The following RALYL variants were observed in gnomAD, a reference collection of about 807,000 sequenced individuals.
The protein encoded by RALYL is RALY RNA binding protein like.
RALYL carries 29 observed loss-of-function variants against 35.1 expected under a neutral mutation model. That is an observed-to-expected ratio of 0.83 (90% CI 0.61 to 1.13). The LOEUF (loss-of-function observed/expected upper bound fraction) is 1.13, where lower values mean the gene tolerates loss of function less well. Ranked by LOEUF, RALYL falls within the 50% of genes most tolerant of loss-of-function variation. The pLI is 0.00. For missense variants in RALYL, 359 were observed against 360.4 expected (o/e 1.00, Z 0.03); for synonymous variants, 120 against 127.6 (o/e 0.94, Z 0.40).
intron 7 of RALYL, among the ~76,000 whole-genome samples, chr8:84,879,928 A>T (rs1401730917): frequency 6.6e-6 from 1 of 152,072 alleles, no homozygotes; most frequent in African/African-American, 2.4e-5. Context: ...TTGCAATAGG[A>T]GATAAAATTG....
intron 2 of RALYL, chr8:84,665,866 A>T (rs1158316244): frequency 6.6e-6 from 1 of 152,060 alleles, no homozygotes; most frequent in African/African-American, 2.4e-5. Context: ...AAGCAAGCAC[A>T]AACACAAGTC....
chr8:84,573,307 T>C (rs568989876), intron 2 of RALYL, among the ~76,000 whole-genome samples: 1 of 151,878 alleles, frequency 6.6e-6, no homozygotes, highest in South Asian at 2.1e-4. Context: ...TTTGTCCTCA[T>C]TTTAAGAACA....
intron 1 of RALYL, among the ~76,000 whole-genome samples, chr8:84,455,768 A>C (rs1425328860): frequency 6.6e-6 from 1 of 152,002 alleles, no homozygotes; most frequent in East Asian, 1.9e-4. Context: ...ATAATCCTTA[A>C]GTCCATTTCT....
At chr8:84,783,699 C>A in intron 3 of RALYL, among the ~76,000 whole-genome samples, 1 of 152,082 alleles carries the variant, frequency 6.6e-6, no homozygotes, top group East Asian at 1.9e-4. Flanking sequence ...TGACAAAATG[C>A]CAATCTAGTC....
chr8:84,439,772 A>T (rs1179022344), intron 1 of RALYL, among the ~76,000 whole-genome samples: 2 of 152,048 alleles, frequency 1.3e-5, no homozygotes, highest in Non-Finnish European at 2.9e-5. Context: ...AACCTGTCAG[A>T]TTCTTATGGT....
chr8:84,464,286 C>T (rs549978650), intron 1 of RALYL, among the ~76,000 whole-genome samples: 1 of 152,056 alleles, frequency 6.6e-6, no homozygotes, highest in Non-Finnish European at 1.5e-5. Flanking sequence ...TGCTATCCCT[C>T]CCCCGTACCC....
intron 1 of RALYL, among the ~76,000 whole-genome samples, chr8:84,257,821 A>G (rs983171663): frequency 6.6e-6 from 1 of 152,200 alleles, no homozygotes; most frequent in African/African-American, 2.4e-5. Flanking sequence ...GTTTGCTACA[A>G]ACATCAGTTT....
chr8:84,192,266 A>G (rs1484081801), intron 1 of RALYL, among the ~76,000 whole-genome samples: 5 of 152,236 alleles, frequency 3.3e-5, no homozygotes, highest in Non-Finnish European at 5.9e-5. Flanking sequence ...AGACAAATGC[A>G]TAAGGTGAGG....
At chr8:84,815,725 C>A (rs1287532400) in intron 4 of RALYL, among the ~76,000 whole-genome samples, 1 of 151,800 alleles carries the variant, frequency 6.6e-6, no homozygotes, top group Non-Finnish European at 1.5e-5. Flanking sequence ...AGAAAACAGG[C>A]ATCAAGTTTG....
At chr8:84,542,233 A>G (rs764246221) in intron 2 of RALYL, among the ~76,000 whole-genome samples, 1 of 151,862 alleles carries the variant, frequency 6.6e-6, no homozygotes, top group Admixed American at 6.6e-5. Context: ...TTTATACATC[A>G]TCCGTTTCCT....
At chr8:84,195,621 T>C (rs1382292920) in intron 1 of RALYL, among the ~76,000 whole-genome samples, 1 of 152,184 alleles carries the variant, frequency 6.6e-6, no homozygotes, top group Non-Finnish European at 1.5e-5. Flanking sequence ...TTGAACAAAC[T>C]AGCATGCAAT....
chr8:84,795,132 G>A (rs1462842647), intron 3 of RALYL, among the ~76,000 whole-genome samples: 10 of 152,264 alleles, frequency 6.6e-5, no homozygotes, highest in African/African-American at 2.2e-4. Context: ...GAAATAGAGG[G>A]GAAAGCTGCA....
At chr8:84,366,700 A>C (rs1854349323) in intron 1 of RALYL, among the ~76,000 whole-genome samples, 1 of 139,574 alleles carries the variant, frequency 7.2e-6, no homozygotes. Context: ...GCTTGAACCC[A>C]AGGAGTTGAG....
chr8:84,256,632 G>T (rs980602630), intron 1 of RALYL, among the ~76,000 whole-genome samples: 2 of 152,040 alleles, frequency 1.3e-5, no homozygotes, highest in Admixed American at 1.3e-4. Flanking sequence ...CTGAATCAGG[G>T]CAATGTTATT....
At chr8:84,790,751 T>A (rs1820580059) in intron 3 of RALYL, among the ~76,000 whole-genome samples, 1 of 151,996 alleles carries the variant, frequency 6.6e-6, no homozygotes, top group Non-Finnish European at 1.5e-5. Context: ...AGAAGATTCA[T>A]GGAAAAAAAA....
intron 1 of RALYL, among the ~76,000 whole-genome samples, chr8:84,338,879 G>A (rs1848284558): frequency 6.6e-6 from 1 of 151,892 alleles, no homozygotes; most frequent in Non-Finnish European, 1.5e-5. Flanking sequence ...TATTTTGATG[G>A]TTCTGCCAAT....
At chr8:84,755,488 T>A (rs149406296) in intron 2 of RALYL, among the ~76,000 whole-genome samples, 3 of 152,274 alleles carry the variant, frequency 2.0e-5, no homozygotes, top group African/African-American at 7.2e-5. Context: ...TCTATAACCA[T>A]AAATAAACTG....
At chr8:84,453,786 T>C (rs897269795) in intron 1 of RALYL, among the ~76,000 whole-genome samples, 2 of 152,030 alleles carry the variant, frequency 1.3e-5, no homozygotes, top group Non-Finnish European at 2.9e-5. Flanking sequence ...ACAGGTTTTG[T>C]TGGCTTAAAA....
At chr8:84,370,712 T>C (rs908874182) in intron 1 of RALYL, among the ~76,000 whole-genome samples, 9 of 151,938 alleles carry the variant, frequency 5.9e-5, no homozygotes, top group Non-Finnish European at 1.3e-4. Flanking sequence ...AAACTACAGA[T>C]GTTTAGGTGG....
Sources: allele counts gnomAD v4.1 joint callset (sites outside exome capture counted in the v4.1 genomes callset), GRCh38; gene constraint gnomAD v4.1.1; transcripts MANE v1.5; gene names NCBI Gene and HGNC (gene_info 2026-07-23, HGNC 2026-07-21).